SLCO1A2: variants seen among roughly 807,000 people sequenced by gnomAD.
The protein encoded by SLCO1A2 is OATP-1.
In SLCO1A2, 67 loss-of-function variants were observed where a neutral mutation model predicts 69.0. The ratio of observed to expected loss-of-function variants is 0.97; its 90% CI spans 0.80 to 1.19. The LOEUF (loss-of-function observed/expected upper bound fraction) is 1.19. Among genes scored for constraint, SLCO1A2 ranks in the 50% most tolerant of loss-of-function variants. The pLI, the probability that SLCO1A2 is intolerant of heterozygous loss-of-function variation, is 0.00. For synonymous variants in SLCO1A2, 260 were observed against 265.9 expected, an observed-to-expected ratio of 0.98 and a Z score of 0.22; for missense variants, 787 against 793.7, an observed-to-expected ratio of 0.99 and a Z score of 0.10.
chr12:21,391,536 G>T (rs1006087360), intron 1 of SLCO1A2, among the ~76,000 whole-genome samples: 2 of 152,116 alleles, frequency 1.3e-5, no homozygotes, highest in Non-Finnish European at 2.9e-5. Context: ...ATAATGTACT[G>T]TTGTACTCCC....
chr12:21,404,792 G>T (rs1442959677), intron 1 of SLCO1A2, among the ~76,000 whole-genome samples: 2 of 152,132 alleles, frequency 1.3e-5, no homozygotes, highest in Non-Finnish European at 2.9e-5. Context: ...TCTGGTTCTA[G>T]ATCTTTGAGG....
At chr12:21,408,422 T>A (rs1941856924) in intron 1 of SLCO1A2, among the ~76,000 whole-genome samples, 1 of 152,160 alleles carries the variant, frequency 6.6e-6, no homozygotes, top group Admixed American at 6.5e-5. Context: ...GTTGTCACTG[T>A]TGACCCTCAC....
At chr12:21,275,197 G>A (rs1472607797) in intron 13 of SLCO1A2, 163 bp downstream of exon 13, 1 of 772,356 alleles carries the variant, frequency 1.3e-6, no homozygotes, top group South Asian at 3.5e-5. Context: ...TTCACCTAAT[G>A]TTAAATGATG....
chr12:21,384,873 C>T (rs1940793780), intron 1 of SLCO1A2, among the ~76,000 whole-genome samples: 1 of 151,228 alleles, frequency 6.6e-6, no homozygotes, highest in Non-Finnish European at 1.5e-5. Flanking sequence ...TCACGCCATT[C>T]TCCAGCCTCG....
intron 2 of SLCO1A2, among the ~76,000 whole-genome samples, chr12:21,346,245 G>A (rs867941080): frequency 1.2e-4 from 18 of 152,158 alleles, no homozygotes; most frequent in African/African-American, 3.1e-4. Context: ...AGATTAATCC[G>A]TAAAACAATA....
At chr12:21,380,282 A>G (rs1940504937) in intron 1 of SLCO1A2, among the ~76,000 whole-genome samples, 1 of 152,170 alleles carries the variant, frequency 6.6e-6, no homozygotes, top group South Asian at 2.1e-4. Context: ...TTCTAGTGTT[A>G]ACAAAATTTT....
chr12:21,322,027 T>C (rs1358480349), intron 2 of SLCO1A2, among the ~76,000 whole-genome samples: 2 of 152,202 alleles, frequency 1.3e-5, no homozygotes, highest in African/African-American at 2.4e-5. Flanking sequence ...AATACAAGTT[T>C]ATTGAATTAA....
At chr12:21,377,899 T>C (rs1297120527) in intron 1 of SLCO1A2, among the ~76,000 whole-genome samples, 1 of 152,190 alleles carries the variant, frequency 6.6e-6, no homozygotes, top group Non-Finnish European at 1.5e-5. Flanking sequence ...AAATTCTTTT[T>C]ATATATTAAA....
intron 12 of SLCO1A2, among the ~76,000 whole-genome samples, chr12:21,290,226 A>G (rs1390535481): frequency 1.3e-5 from 2 of 152,176 alleles, no homozygotes; most frequent in Non-Finnish European, 2.9e-5. Context: ...ATGACAGGAT[A>G]TTACATGTTC....
At chr12:21,278,708 G>T (rs1314552004) in intron 12 of SLCO1A2, among the ~76,000 whole-genome samples, 1 of 152,072 alleles carries the variant, frequency 6.6e-6, no homozygotes, top group African/African-American at 2.4e-5. Flanking sequence ...TGAATACCTG[G>T]AAAGCCTGCT....
chr12:21,405,601 A>G (rs1941811241), intron 1 of SLCO1A2, among the ~76,000 whole-genome samples: 2 of 152,166 alleles, frequency 1.3e-5, no homozygotes, highest in Admixed American at 6.5e-5. Context: ...AGGAACAGAA[A>G]AGAGATCTCA....
intron 2 of SLCO1A2, among the ~76,000 whole-genome samples, chr12:21,322,092 A>G (rs1395037614): frequency 6.6e-6 from 1 of 152,238 alleles, no homozygotes; most frequent in African/African-American, 2.4e-5. Flanking sequence ...AAGTAAAATA[A>G]AATCAAATAA....
At chr12:21,378,133 A>C (rs1180070847) in intron 1 of SLCO1A2, 1 of 1,074,722 alleles carries the variant, frequency 9.3e-7, no homozygotes, top group African/African-American at 1.6e-5. Context: ...TTATGTGAAA[A>C]TTGTTTCTTT....
intron 2 of SLCO1A2, among the ~76,000 whole-genome samples, chr12:21,344,834 T>G (rs1019740655): frequency 5.3e-5 from 8 of 152,096 alleles, no homozygotes; most frequent in Non-Finnish European, 7.4e-5. Context: ...ATGGGTTTTT[T>G]TCTTTACATT....
chr12:21,372,437 T>G (rs1939867919), intron 2 of SLCO1A2, among the ~76,000 whole-genome samples: 1 of 152,206 alleles, frequency 6.6e-6, no homozygotes, highest in African/African-American at 2.4e-5. Flanking sequence ...TGACTTTTGA[T>G]TTCTCTTTTA....
chr12:21,319,901 A>T (rs1384895842), intron 2 of SLCO1A2, among the ~76,000 whole-genome samples: 1 of 152,324 alleles, frequency 6.6e-6, no homozygotes, highest in East Asian at 1.9e-4. Context: ...AATTAAATTT[A>T]AAAAGATAGC....
intron 2 of SLCO1A2, among the ~76,000 whole-genome samples, chr12:21,334,271 C>T (rs1279283634): frequency 6.6e-6 from 1 of 151,964 alleles, no homozygotes. Context: ...GGTTAGAAAC[C>T]CTGCAAGAGT....
At chr12:21,418,657 C>T (rs565760033), upstream of SLCO1A2, among the ~76,000 whole-genome samples, 1 of 152,098 alleles carries the variant, frequency 6.6e-6, no homozygotes, top group African/African-American at 2.4e-5. Context: ...GGAAACTGCC[C>T]CGTGATTCAA....
At chr12:21,290,302 C>G (rs1946643434) in intron 12 of SLCO1A2, among the ~76,000 whole-genome samples, 1 of 151,924 alleles carries the variant, frequency 6.6e-6, no homozygotes, top group Admixed American at 6.6e-5. Context: ...AGTCAAAATT[C>G]TTATGAAGAT....
Sources: allele counts gnomAD v4.1 joint callset (sites outside exome capture counted in the v4.1 genomes callset), GRCh38; gene constraint gnomAD v4.1.1; transcripts MANE v1.5; gene names NCBI Gene and HGNC (gene_info 2026-07-23, HGNC 2026-07-21).